Variants in CSMD1 observed in about 807,000 individuals in gnomAD.
The protein encoded by CSMD1 is CUB and Sushi multiple domains 1.
Under a neutral mutation model 417.5 loss-of-function variants are expected in CSMD1, and 213 were observed. That is an observed-to-expected ratio of 0.51 (90% CI 0.46 to 0.57). CSMD1 has a LOEUF of 0.57. Among genes scored for constraint, CSMD1 ranks in the 20% least tolerant of loss-of-function variants. CSMD1 has a pLI of 0.00. For missense variants in CSMD1, 6,923 were observed against 4,529.7 expected (o/e 1.53, Z -15.17); for synonymous variants, 2,862 against 1,736.8 (o/e 1.65, Z -16.11).
At chr8:3,899,898 G>C (rs1055319009) in intron 5 of CSMD1, among the ~76,000 whole-genome samples, 4 of 152,326 alleles carry the variant, frequency 2.6e-5, no homozygotes, top group Middle Eastern at 3.4e-3. Context: ...TTAAGAACTT[G>C]CTTAAAACAT....
At chr8:3,973,463 T>G (rs7009458) in intron 5 of CSMD1, among the ~76,000 whole-genome samples, 4 of 151,984 alleles carry the variant, frequency 2.6e-5, no homozygotes. Flanking sequence ...TGTTGCAATA[T>G]TTCTGAAGTT....
intron 2 of CSMD1, 40 bp downstream of exon 2, chr8:4,637,302 C>T (rs1331356020): frequency 1.4e-6 from 2 of 1,449,130 alleles, no homozygotes; most frequent in Non-Finnish European, 9.6e-7. Flanking sequence ...TCTGTGTATT[C>T]AAACAGTGCT....
Position 3,157,973 on chromosome 8 carries a change from A to C in CSMD1, c.5845-7T>G. ...AGGAAATGTGGGAACGGCCCTGTTT[A>C]AAAGAAAACAAAAGAAAATACATAT... On this transcript the variant is annotated splice_polypyrimidine_tract_variant and splice_region_variant and intron_variant, in intron 38 of 69. Coordinates refer to ENST00000635120, the MANE Select transcript of CSMD1 (RefSeq NM_033225.6). The C allele has an allele frequency of 6.5e-7, 1 of 1,546,602 alleles. No homozygotes were observed. Among genetic ancestry groups the C allele is most frequent in the East Asian group, 2.4e-5 (1 of 40,898 alleles).
At chr8:3,416,251 C>T (rs897206041) in intron 12 of CSMD1, among the ~76,000 whole-genome samples, 5 of 142,264 alleles carry the variant, frequency 3.5e-5, no homozygotes, top group African/African-American at 1.3e-4. Flanking sequence ...TGCAGTGAAC[C>T]GGGACTGCGC....
At chr8:3,516,965 G>T (rs1046748896) in intron 10 of CSMD1, among the ~76,000 whole-genome samples, 1 of 152,230 alleles carries the variant, frequency 6.6e-6, no homozygotes, top group African/African-American at 2.4e-5. Flanking sequence ...GGATGCTTCT[G>T]TAAGAATGAG....
At chr8:4,127,865 C>A (rs941370077) in intron 3 of CSMD1, among the ~76,000 whole-genome samples, 2 of 152,086 alleles carry the variant, frequency 1.3e-5, no homozygotes, top group Admixed American at 6.6e-5. Flanking sequence ...TGAAGAAACC[C>A]AGACACTGCC....
chr8:4,825,866 G>T (rs547704233), intron 1 of CSMD1, among the ~76,000 whole-genome samples: 57 of 151,530 alleles, frequency 3.8e-4, no homozygotes, highest in African/African-American at 1.3e-3. Context: ...AGATACAATT[G>T]TCCAATAAGC....
At chr8:3,918,463 T>A (rs1258361165) in intron 5 of CSMD1, among the ~76,000 whole-genome samples, 1 of 152,212 alleles carries the variant, frequency 6.6e-6, no homozygotes, top group African/African-American at 2.4e-5. Context: ...ATCACCTTTT[T>A]ATATACCTGT....
At chr8:4,582,894 C>T (rs938698128) in intron 2 of CSMD1, among the ~76,000 whole-genome samples, 1 of 152,292 alleles carries the variant, frequency 6.6e-6, no homozygotes, top group African/African-American at 2.4e-5. Flanking sequence ...TCCGGGTGGG[C>T]GTGGGCTTGG....
intron 3 of CSMD1, among the ~76,000 whole-genome samples, chr8:4,380,039 A>C (rs562321173): frequency 6.6e-6 from 1 of 152,240 alleles, no homozygotes; most frequent in Non-Finnish European, 1.5e-5. Context: ...CCAAGGTATA[A>C]ATTAAATATC....
chr8:4,493,652 G>A (rs915468941), intron 2 of CSMD1, among the ~76,000 whole-genome samples: 1 of 152,144 alleles, frequency 6.6e-6, no homozygotes, highest in Non-Finnish European at 1.5e-5. Context: ...CTATGAGCGT[G>A]CCAATGTACT....
At chr8:3,524,153 GCA>G (rs1295396902) in intron 10 of CSMD1, among the ~76,000 whole-genome samples, 4 of 148,588 alleles carry the variant, frequency 2.7e-5, no homozygotes, top group African/African-American at 7.5e-5. Flanking sequence ...ACATATGCAT[GCA>G]CAGCCAGAGA....
intron 10 of CSMD1, among the ~76,000 whole-genome samples, chr8:3,566,036 G>A (rs1799690559): frequency 6.6e-6 from 1 of 152,054 alleles, no homozygotes; most frequent in African/African-American, 2.4e-5. Context: ...TAAACTCTTT[G>A]CCTGTCATAC....
chr8:4,146,136 C>G (rs945987949), intron 3 of CSMD1, among the ~76,000 whole-genome samples: 1 of 147,966 alleles, frequency 6.8e-6, no homozygotes, highest in African/African-American at 2.5e-5. Flanking sequence ...TCAGAGCCTA[C>G]ATATGATGGG....
rs190228887 is a variant in CSMD1 at position 3,615,690 on chromosome 8, C to T, written c.1097+1020G>A. On this transcript the variant is annotated intron_variant, in intron 8 of 69. Coordinates refer to ENST00000635120, the MANE Select transcript of CSMD1 (RefSeq NM_033225.6). ...CTAAAAAACATTCCTTCTTTCCTCT[C>T]TAATAGTAGCAGTACTTTTCTTCCA... Among the ~76,000 whole-genome samples the T allele has an allele frequency of 2.8e-4, 43 of 152,310 alleles. 1 individual carries two copies. The East Asian group carries it at 3.5e-3, about 12-fold the overall frequency.
intron 3 of CSMD1, among the ~76,000 whole-genome samples, chr8:4,049,818 C>G (rs1427452199): frequency 6.6e-6 from 1 of 151,348 alleles, no homozygotes; most frequent in Non-Finnish European, 1.5e-5. Flanking sequence ...ATGGACATTT[C>G]TTACAATCAG....
intron 10 of CSMD1, among the ~76,000 whole-genome samples, chr8:3,506,878 T>C (rs920611583): frequency 6.6e-6 from 1 of 152,216 alleles, no homozygotes; most frequent in African/African-American, 2.4e-5. Flanking sequence ...GTAATGACAC[T>C]ATTTGATGTC....
chr8:4,132,139 T>C (rs1452005460), intron 3 of CSMD1, among the ~76,000 whole-genome samples: 1 of 151,702 alleles, frequency 6.6e-6, no homozygotes, highest in Non-Finnish European at 1.5e-5. Context: ...AAGAACGACA[T>C]TTCTACAGAT....
At chr8:3,695,484 C>T (rs1218164041) in intron 7 of CSMD1, among the ~76,000 whole-genome samples, 1 of 152,020 alleles carries the variant, frequency 6.6e-6, no homozygotes, top group Admixed American at 6.6e-5. Context: ...TCTGGCTTTA[C>T]CTTATGATAA....
Sources: allele counts gnomAD v4.1 joint callset (sites outside exome capture counted in the v4.1 genomes callset), GRCh38; gene constraint gnomAD v4.1.1; transcripts MANE v1.5; gene names NCBI Gene and HGNC (gene_info 2026-07-23, HGNC 2026-07-21).